The following PPIL3 variants were observed in gnomAD, a reference collection of about 807,000 sequenced individuals.
PPIL3 encodes peptidylprolyl isomerase like 3, also known as peptidyl-prolyl cis-trans isomerase-like 3.
A neutral mutation model predicts 20.9 loss-of-function variants in PPIL3; 13 were observed. The observed-to-expected ratio is 0.62, with a 90% CI of 0.40 to 0.99. The LOEUF (loss-of-function observed/expected upper bound fraction) is 0.99, where lower values mean the gene tolerates loss of function less well. Ranked by LOEUF, PPIL3 falls within the 50% of genes least tolerant of loss-of-function variation. The probability of loss-of-function intolerance (pLI) is 0.00; values close to 1 mark genes in which losing one functional copy is unlikely to be tolerated. For missense variants in PPIL3, 170 were observed against 195.2 expected, an observed-to-expected ratio of 0.87 and a Z score of 0.77; for synonymous variants, 71 against 64.4, an observed-to-expected ratio of 1.10 and a Z score of -0.49.
intron 1 of PPIL3, chr2:200,888,357 G>A (rs910456852): frequency 6.6e-6 from 1 of 151,198 alleles, no homozygotes; most frequent in African/African-American, 2.4e-5. Flanking sequence ...AACTGCTTTA[G>A]CCCTTCAGCC....
intron 6 of PPIL3, among the ~76,000 whole-genome samples, chr2:200,874,065 C>T (rs1474681410): frequency 3.3e-5 from 5 of 151,344 alleles, no homozygotes; most frequent in Non-Finnish European, 5.9e-5. Context: ...ATTAGCCGGG[C>T]GCGGTGGCGG....
intron 6 of PPIL3, among the ~76,000 whole-genome samples, chr2:200,874,026 A>G (rs768787372): frequency 1.3e-4 from 20 of 151,310 alleles, no homozygotes; most frequent in South Asian, 6.3e-4. Context: ...TAACATGGTG[A>G]AACCCCGTCT....
At chr2:200,888,809 A>C (rs950303161) in intron 1 of PPIL3, 147 bp downstream of exon 1, 2 of 406,364 alleles carry the variant, frequency 4.9e-6, no homozygotes, top group African/African-American at 4.1e-5. Context: ...GCCGCCGTGC[A>C]GGGTCCTTCT....
chr2:200,878,199 T>C (rs1209991548), intron 5 of PPIL3, among the ~76,000 whole-genome samples: 1 of 152,152 alleles, frequency 6.6e-6, no homozygotes, highest in Non-Finnish European at 1.5e-5. Flanking sequence ...TGTAAGTTAA[T>C]AAAATAAGCA....
chr2:200,874,406 T>A (rs2105758720), intron 6 of PPIL3, among the ~76,000 whole-genome samples: 1 of 152,006 alleles, frequency 6.6e-6, no homozygotes, highest in African/African-American at 2.4e-5. Context: ...AGGTAAAAAG[T>A]TAAAAAAACC....
chr2:200,877,161 A>G (rs1361643017), intron 5 of PPIL3, 124 bp from the exon 6 acceptor site: 2 of 665,432 alleles, frequency 3.0e-6, no homozygotes, highest in Non-Finnish European at 5.3e-6. Context: ...GGGTCTCACT[A>G]TGTTGCTCAG....
At chr2:200,882,247 A>C (rs2039760028) in intron 4 of PPIL3, 95 bp downstream of exon 4, 1 of 879,748 alleles carries the variant, frequency 1.1e-6, no homozygotes, top group East Asian at 2.4e-5. Flanking sequence ...AAACAAAACA[A>C]AACAAAAACT....
intron 6 of PPIL3, among the ~76,000 whole-genome samples, chr2:200,876,323 A>C (rs2039514117): frequency 6.6e-6 from 1 of 151,970 alleles, no homozygotes; most frequent in Admixed American, 6.6e-5. Flanking sequence ...AAAAAGAAAA[A>C]GAAAAAGAAA....
intron 3 of PPIL3, among the ~76,000 whole-genome samples, chr2:200,884,062 G>A (rs969991549): frequency 6.6e-6 from 1 of 152,128 alleles, no homozygotes; most frequent in Admixed American, 6.6e-5. Flanking sequence ...ATAAATAATT[G>A]CTGAATAAAT....
chr2:200,882,694 G>C (rs2039776582), intron 3 of PPIL3, among the ~76,000 whole-genome samples: 1 of 151,950 alleles, frequency 6.6e-6, no homozygotes, highest in South Asian at 2.1e-4. Flanking sequence ...TGGATCACGA[G>C]GTCAGAAGAT....
intron 3 of PPIL3, among the ~76,000 whole-genome samples, chr2:200,883,073 G>A (rs2039793856): frequency 6.6e-6 from 1 of 150,536 alleles, no homozygotes; most frequent in Admixed American, 6.6e-5. Context: ...TTTCTTACCT[G>A]GGGTACTCTG....
chr2:200,888,734 C>T (rs1416810814), intron 1 of PPIL3, among the ~76,000 whole-genome samples: 1 of 152,070 alleles, frequency 6.6e-6, no homozygotes, highest in Non-Finnish European at 1.5e-5. Context: ...CCGTGTTGGC[C>T]AGGCTGGTCT....
intron 3 of PPIL3, among the ~76,000 whole-genome samples, chr2:200,883,894 C>T (rs1486570520): frequency 6.6e-6 from 1 of 152,200 alleles, no homozygotes; most frequent in Non-Finnish European, 1.5e-5. Flanking sequence ...TCCCTTGTAG[C>T]TGGGACAACA....
chr2:200,875,390 C>T (rs1024366127), intron 6 of PPIL3, among the ~76,000 whole-genome samples: 1 of 151,972 alleles, frequency 6.6e-6, no homozygotes, highest in Non-Finnish European at 1.5e-5. Context: ...GCCTCAGCTT[C>T]CTGAGTAGCT....
intron 2 of PPIL3, 147 bp from the exon 3 acceptor site, chr2:200,885,919 G>A (rs1171329656): frequency 4.5e-5 from 24 of 532,544 alleles, no homozygotes; most frequent in Non-Finnish European, 7.2e-5. Context: ...CCACAAAGCA[G>A]CTCTTAGAGG....
intron 1 of PPIL3, 114 bp downstream of exon 1, chr2:200,888,841 CA>C: frequency 2.2e-6 from 1 of 450,728 alleles, no homozygotes; most frequent in South Asian, 1.6e-5. Context: ...GTTGCAACAA[CA>C]GCCTCGCCGC....
chr2:200,875,224 A>G (rs142604161), intron 6 of PPIL3, among the ~76,000 whole-genome samples: 38 of 152,046 alleles, frequency 2.5e-4, no homozygotes, highest in Admixed American at 7.9e-4. Context: ...TCTACCCTCC[A>G]TTGTAGGTAA....
At chr2:200,885,496 AAAAATTATCT>A (rs2039899689) in intron 3 of PPIL3, 192 bp downstream of exon 3, 1 of 518,848 alleles carries the variant, frequency 1.9e-6, no homozygotes, top group Admixed American at 4.0e-5. Flanking sequence ...ATCGTTACCG[AAAAATTATCT>A]ACGTTCTCTT....
Position 200,882,393 on chromosome 2 carries a change from T to G in PPIL3, c.121A>C (p.Ile41Leu). Residue 41 changes from isoleucine to leucine, a missense_variant, in exon 4 of 7, where the codon ATA (isoleucine) becomes CTA (leucine). Physicochemically the swap from Ile to Leu is conservative, Grantham distance 5. Transcript: ENST00000392283. ...AAACCCTTGATATTCCTATGAAATA[T>G]ACAGCCATTGTAGTAATTACTGGCA... ...LCASNYYNGCIFHRNIKGFMV... is the reference protein window; with the variant it reads ...LCASNYYNGCLFHRNIKGFMV... 1 of 1,608,662 alleles carries G rather than the reference T, an allele frequency of 6.2e-7. No homozygotes were observed. The highest frequency in any genetic ancestry group is 1.1e-5 in the South Asian group (1 of 90,956).
Sources: allele counts gnomAD v4.1 joint callset (sites outside exome capture counted in the v4.1 genomes callset), GRCh38; gene constraint gnomAD v4.1.1; transcripts MANE v1.5; gene names NCBI Gene and HGNC (gene_info 2026-07-23, HGNC 2026-07-21).